The following POFUT1 variants were observed in gnomAD, a reference collection of about 807,000 sequenced individuals.
POFUT1 encodes GDP-fucose protein O-fucosyltransferase 1.
POFUT1 carries 16 observed loss-of-function variants against 42.4 expected under a neutral mutation model. The ratio of observed to expected loss-of-function variants is 0.38; its 90% CI spans 0.26 to 0.57. The LOEUF (loss-of-function observed/expected upper bound fraction) is 0.57. Among genes scored for constraint, POFUT1 ranks in the 20% least tolerant of loss-of-function variants. The pLI, the probability that POFUT1 is intolerant of heterozygous loss-of-function variation, is 0.71. For missense variants in POFUT1, 470 were observed against 504.6 expected (o/e 0.93, Z 0.66); for synonymous variants, 206 against 205.4 (o/e 1.00, Z -0.03).
At position 32,223,067 on chromosome 20, in the gene POFUT1, A is replaced by G. The variant is rs887810951; in HGVS notation, c.543-5196A>G. 17 of 985,302 alleles carry G rather than the reference A, an allele frequency of 1.7e-5. 1 individual carries two copies. The African/African-American group carries it at 2.1e-4, about 12-fold the overall frequency. 61.0% of individuals were successfully genotyped at this position (985,302 alleles called of 1,614,324 possible). Reference sequence around the variant, plus strand: ...TCCACTGGTGGTCCCACAGATACATACTGGACACATAAATGGATGCTGTAT... The same window carrying G: ...TCCACTGGTGGTCCCACAGATACATGCTGGACACATAAATGGATGCTGTAT... On this transcript the variant is annotated intron_variant, in intron 4 of 6. Transcript: ENST00000375749.
rs1421789755 is a variant in POFUT1, at chr20:32,236,643, A to G, written c.*1982A>G. On this transcript the variant is annotated 3_prime_UTR_variant, in exon 7 of 7. Transcript: ENST00000375749. ...CTATAAAATGGTGATAAAAACCGAC[A>G]GGTTGTTCAAAGGCCCAGATCAGCT... is the stretch of plus-strand genomic sequence containing the variant. The G allele has an allele frequency of 2.6e-5, 4 of 152,252 alleles. No homozygotes were observed. The highest frequency in any genetic ancestry group is 5.9e-5 in the Non-Finnish European group (4 of 68,042). The allele number at this position is 152,252 out of a possible 1,614,324, so 9.4% of individuals were successfully genotyped here. A position where few individuals can be genotyped will look rare whatever the true frequency, so the allele number is the denominator to read the frequency against.
intron 1 of POFUT1, among the ~76,000 whole-genome samples, chr20:32,208,648 CAAAAAAAA>C (rs67714814): frequency 2.1e-5 from 2 of 93,646 alleles, no homozygotes; most frequent in Non-Finnish European, 4.0e-5. Flanking sequence ...AATCCAATCT[CAAAAAAAA>C]AAAAAAAAAA....
intron 3 of POFUT1, 110 bp downstream of exon 3, chr20:32,215,561 A>G (rs1403312868): frequency 2.1e-6 from 2 of 936,376 alleles, no homozygotes; most frequent in African/African-American, 1.6e-5. Flanking sequence ...CTTAGAATAG[A>G]AAGATGGAGA....
rs750057995 is a variant in POFUT1 at position 32,238,159 on chromosome 20, G to A, written c.*3498G>A. Reference sequence around the variant, plus strand: ...TGTAATCCCAGCACTTTGCGAGGCCGAGGTGGGCAGATCACTTGAGGTGAG... The same window carrying A: ...TGTAATCCCAGCACTTTGCGAGGCCAAGGTGGGCAGATCACTTGAGGTGAG... On this transcript the variant is annotated 3_prime_UTR_variant, in exon 7 of 7. Coordinates refer to ENST00000375749, the MANE Select transcript of POFUT1 (RefSeq NM_015352.2). The A allele has an allele frequency of 4.2e-6, 1 of 240,888 alleles. No homozygotes were observed. The highest frequency in any genetic ancestry group is 8.5e-6 in the Non-Finnish European group (1 of 117,154). The allele number at this position is 240,888 out of a possible 1,614,324, so 14.9% of individuals were successfully genotyped here. A position where few individuals can be genotyped will look rare whatever the true frequency, so the allele number is the denominator to read the frequency against.
chr20:32,232,963 C>T (rs1257040913), intron 6 of POFUT1, among the ~76,000 whole-genome samples: 2 of 152,218 alleles, frequency 1.3e-5, no homozygotes, highest in South Asian at 2.1e-4. Context: ...GGCTCACATT[C>T]TAGACCCAGG....
At chr20:32,210,964 A>G (rs952021533) in intron 2 of POFUT1, among the ~76,000 whole-genome samples, 1 of 152,198 alleles carries the variant, frequency 6.6e-6, no homozygotes, top group Non-Finnish European at 1.5e-5. Flanking sequence ...GCATGCCAGT[A>G]TTTACAGAGG....
chr20:32,228,357 G>T lies in POFUT1; in HGVS notation c.637G>T (p.Val213Leu), dbSNP rs578147902. Residue 213 changes from valine to leucine, a missense_variant, in exon 5 of 7, where the codon GTA (valine) becomes TTA (leucine). Coordinates refer to ENST00000375749, the MANE Select transcript of POFUT1 (RefSeq NM_015352.2). ...ACACAGGCCACTACAGAAGTACATG[G>T]TATGGTCAGACGAAATGGTGAAGAC... ...EEHRPLQKYM[V>L]WSDEMVKTGE... is the part of the protein sequence containing the mutation. 6.2e-7 allele frequency: 1 copy of T among 1,614,190 alleles called. No individual in the cohort carries two copies. Among genetic ancestry groups the T allele is most frequent in the East Asian group, 2.2e-5 (1 of 44,886 alleles).
intron 4 of POFUT1, chr20:32,217,190 A>G (rs1268499917): frequency 6.9e-7 from 1 of 1,445,334 alleles, no homozygotes; most frequent in African/African-American, 1.4e-5. Context: ...ACGTGGGCAC[A>G]GGCCGTGAAA....
rs555288977 is a variant in POFUT1 at position 32,208,032 on chromosome 20, C to G, written c.91C>G (p.Pro31Ala). ...LPGMPAGSWD[P>A]AGYLLYCPCM... is the part of the protein sequence containing the mutation. Reference sequence around the variant, plus strand: ...GGGGATGCCTGCGGGCTCCTGGGACCCGGCCGGTTACCTGCTCTACTGCCC... The same window carrying G: ...GGGGATGCCTGCGGGCTCCTGGGACGCGGCCGGTTACCTGCTCTACTGCCC... Residue 31 changes from proline to alanine, a missense_variant, in exon 1 of 7, where the codon CCG becomes GCG. Coordinates refer to ENST00000375749, the MANE Select transcript of POFUT1 (RefSeq NM_015352.2). 3 of 1,572,546 alleles carry G rather than the reference C, an allele frequency of 1.9e-6. No homozygotes were observed. Among genetic ancestry groups the G allele is most frequent in the East Asian group, 2.3e-5 (1 of 42,674 alleles).
intron 6 of POFUT1, 45 bp downstream of exon 6, chr20:32,231,106 G>T: frequency 1.9e-6 from 3 of 1,609,872 alleles, no homozygotes; most frequent in Non-Finnish European, 2.5e-6. Flanking sequence ...GGAATGAAAG[G>T]AGGAGCCAGG....
intron 4 of POFUT1, chr20:32,223,295 C>G (rs923129584): frequency 3.0e-6 from 3 of 985,300 alleles, no homozygotes; most frequent in African/African-American, 3.5e-5. Context: ...CCTGTTCCCC[C>G]CTCATTCTTT....
intron 4 of POFUT1, chr20:32,216,974 C>G: frequency 6.2e-7 from 1 of 1,610,834 alleles, no homozygotes; most frequent in Non-Finnish European, 8.5e-7. Flanking sequence ...AAAGAACATT[C>G]TGCAGTCGCA....
At chr20:32,227,545 A>G (rs1438459448) in intron 4 of POFUT1, among the ~76,000 whole-genome samples, 9 of 152,172 alleles carry the variant, frequency 5.9e-5, no homozygotes, top group Admixed American at 5.9e-4. Flanking sequence ...AAGAAAAAGA[A>G]AAGAAAAATA....
At chr20:32,216,964 A>G in intron 4 of POFUT1, 1 of 1,609,252 alleles carries the variant, frequency 6.2e-7, no homozygotes, top group Non-Finnish European at 8.5e-7. Flanking sequence ...GATGTCATAA[A>G]AAGAACATTC....
Position 32,216,680 on chromosome 20 carries a change from C to T in POFUT1, c.501C>T (p.Gly167=). 1 of 1,613,582 alleles carries T rather than the reference C, an allele frequency of 6.2e-7. No individual in the cohort carries two copies. Among genetic ancestry groups the T allele is most frequent in the Non-Finnish European group, 8.5e-7 (1 of 1,179,484 alleles). ...VSFNKSELFT[G]ISFSASYREQ... ...TCAACAAGTCGGAGCTTTTTACAGG[C>T]ATTTCCTTCAGTGCTTCCTACAGAG... The change falls in exon 4 of 7, where the codon GGC becomes GGT. Residue 167 remains glycine, a synonymous_variant. Coordinates refer to ENST00000375749, the MANE Select transcript of POFUT1 (RefSeq NM_015352.2).
chr20:32,208,704 TG>T (rs1194875107), intron 1 of POFUT1, among the ~76,000 whole-genome samples: 1 of 147,584 alleles, frequency 6.8e-6, no homozygotes, highest in African/African-American at 2.5e-5. Context: ...TGTAGTCCCT[TG>T]GGAGTTATCT....
rs1315068956 is a variant in POFUT1 at position 32,237,024 on chromosome 20, T to G, written c.*2363T>G. 6.6e-6 allele frequency: 1 copy of G among 152,256 alleles called. No individual in the cohort carries two copies. Among genetic ancestry groups the G allele is most frequent in the Non-Finnish European group, 1.5e-5 (1 of 68,052 alleles). The allele number at this position is 152,256 out of a possible 1,614,324, so 9.4% of individuals were successfully genotyped here. On this transcript the variant is annotated 3_prime_UTR_variant, in exon 7 of 7. Coordinates refer to ENST00000375749, the MANE Select transcript of POFUT1 (RefSeq NM_015352.2). ...AATGCACTTTCTACCCTGTGTGCCA[T>G]GGAGACCTCCTATGGAAAAATGATC...
At chr20:32,233,644 C>T (rs1269047580) in intron 6 of POFUT1, among the ~76,000 whole-genome samples, 1 of 152,152 alleles carries the variant, frequency 6.6e-6, no homozygotes, top group Non-Finnish European at 1.5e-5. Context: ...TGTTGCAGTC[C>T]ATCAGGCAAG....
In POFUT1 at chr20:32,237,939, A is replaced by G; in HGVS notation, c.*3278A>G. ...TTTTCAGTCTTTTTCAAAGATACAA[A>G]TATTTACATAGTTTTAATCATGTAA... is the stretch of plus-strand genomic sequence containing the variant. On this transcript the variant is annotated 3_prime_UTR_variant, in exon 7 of 7. Transcript: ENST00000375749. 2.2e-6 allele frequency: 1 copy of G among 447,714 alleles called. No individual in the cohort carries two copies. Among genetic ancestry groups the G allele is most frequent in the Non-Finnish European group, 4.6e-6 (1 of 215,840 alleles). The allele number at this position is 447,714 out of a possible 1,614,324, so 27.7% of individuals were successfully genotyped here. A position where few individuals can be genotyped will look rare whatever the true frequency, so the allele number is the denominator to read the frequency against.
Sources: gnomAD v4.1 joint callset for allele counts (sites outside exome capture counted in the v4.1 genomes callset) on GRCh38, gnomAD v4.1.1 for gene constraint, MANE v1.5 for transcripts, NCBI Gene and HGNC (gene_info 2026-07-23, HGNC 2026-07-21) for gene names.